The following TBX1 variants were observed in gnomAD, a reference collection of about 807,000 sequenced individuals.
TBX1 encodes the protein T-box transcription factor TBX1.
In TBX1, 16 loss-of-function variants were observed where a neutral mutation model predicts 40.8. The ratio of observed to expected loss-of-function variants is 0.39; its 90% confidence interval spans 0.27 to 0.60. The LOEUF is 0.60. Ranked by LOEUF, TBX1 falls within the 20% of genes least tolerant of loss-of-function variation. The probability of loss-of-function intolerance (pLI) is 0.51; values close to 1 mark genes in which losing one functional copy is unlikely to be tolerated. For missense variants in TBX1, 755 were observed against 728.5 expected (o/e 1.04, Z -0.42); for synonymous variants, 403 against 336.8 (o/e 1.20, Z -2.15).
chr22:19,779,529 TGCA>T, exon 9 of TBX1: 1 of 1,529,322 alleles, frequency 6.5e-7, no homozygotes, highest in Middle Eastern at 2.3e-4. Context: ...ATGAATAAAG[TGCA>T]TGTTTTGTAA....
In TBX1 at chr22:19,779,286, T is replaced by C. The variant is rs200361367; in HGVS notation, c.1076T>C (p.Val359Ala). 13 of 1,614,154 alleles carry C rather than the reference T, an allele frequency of 8.1e-6. No individual in the cohort carries two copies. In the East Asian group the frequency reaches 2.2e-4, roughly 28 times the overall value. ...TCTAGGAACACACCAGAGAGAGAAG[T>C]GGAGCTTCTGAGGGATGCAGGTGGC... Residue 359 changes from valine to alanine, a missense_variant, in exon 9 of 9, where the codon GTG becomes GCG. Val to Ala is a moderately conservative substitution (Grantham distance 64). Transcript: ENST00000329705.
In TBX1 at chr22:19,778,439, C is replaced by CTTTT. The variant is rs111819861; in HGVS notation, c.1010-772_1010-769dup. Among the ~76,000 whole-genome samples, 154 of 143,994 alleles carry CTTTT rather than the reference C, an allele frequency of 1.1e-3. 5 individuals are homozygous for CTTTT. In the South Asian group the frequency reaches 0.022, roughly 21 times the overall value. The allele number at this position is 143,994 out of a possible 152,430, so 94.5% of individuals were successfully genotyped here. A position where few individuals can be genotyped will look rare whatever the true frequency, so the allele number is the denominator to read the frequency against. Reference sequence around the variant, plus strand: ...TCTTTTCTTTCTTTCTTTTCTTCTTCTTTTTTTTTTTTGAGACGGAGTTTC... The same window carrying CTTTT: ...TCTTTTCTTTCTTTCTTTTCTTCTTCTTTTTTTTTTTTTTTTGAGACGGAGTTTC... On this transcript the variant is annotated intron_variant, in intron 8 of 8. Coordinates refer to the TBX1 transcript ENST00000329705.
downstream of TBX1, among the ~76,000 whole-genome samples, chr22:19,768,689 C>T (rs1936932658): frequency 6.6e-6 from 1 of 152,188 alleles, no homozygotes; most frequent in South Asian, 2.1e-4. Flanking sequence ...ATTCCGTACT[C>T]CACATCCAGG....
chr22:19,761,183 G>A lies in TBX1; in HGVS notation c.340G>A (p.Ala114Thr), dbSNP rs1936648488. The A allele has an allele frequency of 1.3e-6, 2 of 1,539,090 alleles. No homozygotes were observed. Among genetic ancestry groups the A allele is most frequent in the Non-Finnish European group, 8.8e-7 (1 of 1,140,414 alleles). ...AAAKAPVKKN[A>T]KVAGVSVQLE... is the part of the protein sequence containing the mutation. ...AGCCAAGGCGCCGGTGAAGAAGAAC[G>A]CGAAGGTGGCCGGTGTGAGCGTGCA... is the stretch of plus-strand genomic sequence containing the variant. Residue 114 changes from alanine to threonine, a missense_variant, in exon 1 of 7, where the codon GCG becomes ACG. Around this residue, in one of 3 missense-constraint regions of TBX1, gnomAD observed 199 missense variants for 173.0 expected, o/e 1.15. Coordinates refer to ENST00000649276, the MANE Select transcript of TBX1 (RefSeq NM_001379200.1).
chr22:19,759,835 C>T (rs1420461369), upstream of TBX1, among the ~76,000 whole-genome samples: 2 of 152,222 alleles, frequency 1.3e-5, no homozygotes, highest in Admixed American at 1.3e-4. Flanking sequence ...GCCGGCATCC[C>T]GCCCACAGCC....
At chr22:19,763,390 A>G (rs1257916428) in intron 2 of TBX1, 48 bp downstream of exon 2, 5 of 1,585,544 alleles carry the variant, frequency 3.2e-6, no homozygotes, top group Non-Finnish European at 4.3e-6. Context: ...CACCCTGGAA[A>G]GTGGCGGGTC....
intron 8 of TBX1, among the ~76,000 whole-genome samples, chr22:19,773,520 ACCCT>A (rs1194542656): frequency 6.6e-6 from 1 of 151,588 alleles, no homozygotes; most frequent in Non-Finnish European, 1.5e-5. Flanking sequence ...TCCTTGGAGG[ACCCT>A]CCCTCCAGGC....
In TBX1 at chr22:19,765,844, G is replaced by C. The variant is rs1454862563; in HGVS notation, c.935+19G>C. ...AGGACTGGTGAGTGTCCTCCCCCGA[G>C]AGAGTGAGCGCCGGGCGCCTGGCGC... On this transcript the variant is annotated intron_variant, in intron 5 of 6. Transcript: ENST00000649276. 6 of 1,590,722 alleles carry C rather than the reference G, an allele frequency of 3.8e-6. No homozygotes were observed. The African/African-American group carries it at 8.1e-5, about 21-fold the overall frequency.
chr22:19,762,742 A>G (rs1415928600), intron 1 of TBX1, among the ~76,000 whole-genome samples: 1 of 151,988 alleles, frequency 6.6e-6, no homozygotes, highest in African/African-American at 2.4e-5. Context: ...CCTTGGCCTC[A>G]CTGAGGGGAT....
At chr22:19,774,983 G>A (rs41297802) in intron 8 of TBX1, among the ~76,000 whole-genome samples, 23,365 of 152,224 alleles carry the variant, frequency 0.15, 2,502 homozygotes, top group East Asian at 0.42. Context: ...GTGTCACTGT[G>A]TTGCCCAGGC....
chr22:19,772,450 C>T (rs779506435), intron 8 of TBX1, among the ~76,000 whole-genome samples: 2 of 152,080 alleles, frequency 1.3e-5, no homozygotes, highest in Non-Finnish European at 1.5e-5. Context: ...GGACTACAGG[C>T]GTGTGCCACC....
intron 2 of TBX1, 104 bp from the exon 3 acceptor site, chr22:19,764,051 G>T: frequency 7.6e-7 from 1 of 1,317,656 alleles, no homozygotes; most frequent in Non-Finnish European, 1.1e-6. Flanking sequence ...CAATCTCACA[G>T]GTGGGGAAAC....
At chr22:19,782,982 A>T (rs1370903626), downstream of TBX1, 1 of 1,369,736 alleles carries the variant, frequency 7.3e-7, no homozygotes, top group South Asian at 1.2e-5. Context: ...CCAAGTAAGA[A>T]GTCTGAGTCC....
At chr22:19,761,384 G>A (rs993488812) in intron 1 of TBX1, 104 bp downstream of exon 1, 3 of 1,285,624 alleles carry the variant, frequency 2.3e-6, no homozygotes, top group African/African-American at 1.6e-5. Flanking sequence ...CGGGTCGGGG[G>A]CGCGGCCTGG....
chr22:19,776,300 T>A (rs1183507232), intron 8 of TBX1, among the ~76,000 whole-genome samples: 2 of 152,104 alleles, frequency 1.3e-5, no homozygotes, highest in African/African-American at 4.8e-5. Context: ...TCCTAGCTCC[T>A]CAGGAGGAAG....
upstream of TBX1, among the ~76,000 whole-genome samples, chr22:19,758,920 G>A (rs1936550022): frequency 6.6e-6 from 1 of 152,192 alleles, no homozygotes; most frequent in South Asian, 2.1e-4. Context: ...AAGGAACAGA[G>A]GACGCTGCGG....
intron 1 of TBX1, among the ~76,000 whole-genome samples, chr22:19,761,504 G>A (rs1936661926): frequency 2.6e-5 from 4 of 151,736 alleles, no homozygotes; most frequent in Admixed American, 2.0e-4. Flanking sequence ...CGCCGGGGCG[G>A]GAGGAGACGG....
intron 2 of TBX1, among the ~76,000 whole-genome samples, chr22:19,763,904 G>A (rs773236787): frequency 2.3e-4 from 35 of 152,178 alleles, no homozygotes; most frequent in Non-Finnish European, 4.7e-4. Context: ...GATGGCAGGA[G>A]CCCAGCCTCC....
chr22:19,758,260 CAG>C (rs1217700622), upstream of TBX1, among the ~76,000 whole-genome samples: 3 of 152,220 alleles, frequency 2.0e-5, no homozygotes, highest in East Asian at 5.8e-4. Context: ...AGGTTGTATA[CAG>C]AGAGGCCTTG....
Sources: allele counts gnomAD v4.1 joint callset (sites outside exome capture counted in the v4.1 genomes callset), GRCh38; gene constraint gnomAD v4.1.1; regional missense constraint gnomAD v4.1.1; transcripts MANE v1.5; gene names NCBI Gene and HGNC (gene_info 2026-07-23, HGNC 2026-07-21).